The following PRKCB variants were observed in gnomAD, a reference collection of about 807,000 sequenced individuals.
PRKCB encodes protein kinase C beta type.
A neutral mutation model predicts 81.5 loss-of-function variants in PRKCB; 13 were observed. The ratio of observed to expected loss-of-function variants is 0.16; its 90% CI spans 0.10 to 0.25. The LOEUF is 0.25. PRKCB is among the 10% of genes least tolerant of loss of function. PRKCB has a pLI of 1.00. For synonymous variants in PRKCB, 335 were observed against 321.4 expected (o/e 1.04, Z -0.45); for missense variants, 509 against 875.7 (o/e 0.58, Z 5.29).
intron 5 of PRKCB, among the ~76,000 whole-genome samples, chr16:24,042,546 C>T (rs753804660): frequency 1.3e-5 from 2 of 152,210 alleles, no homozygotes; most frequent in Non-Finnish European, 2.9e-5. Context: ...TGCTTAATCA[C>T]ATTTCCAACT....
At chr16:23,871,186 GGA>G (rs1962896959) in intron 2 of PRKCB, among the ~76,000 whole-genome samples, 1 of 152,206 alleles carries the variant, frequency 6.6e-6, no homozygotes, top group Admixed American at 6.5e-5. Context: ...TATCTCTTAT[GGA>G]GAGAGTCACA....
intron 9 of PRKCB, among the ~76,000 whole-genome samples, chr16:24,139,821 G>T (rs572445552): frequency 1.3e-5 from 2 of 152,290 alleles, no homozygotes; most frequent in African/African-American, 4.8e-5. Context: ...TGTATCATCC[G>T]AGTTGATCTA....
At chr16:23,840,049 G>A (rs899892224) in intron 2 of PRKCB, among the ~76,000 whole-genome samples, 1 of 152,154 alleles carries the variant, frequency 6.6e-6, no homozygotes, top group African/African-American at 2.4e-5. Context: ...AGGGAGGAGT[G>A]AGGGGAGGGG....
intron 9 of PRKCB, among the ~76,000 whole-genome samples, chr16:24,137,972 C>G (rs534709601): frequency 2.7e-4 from 41 of 152,198 alleles, no homozygotes; most frequent in Non-Finnish European, 4.7e-4. Flanking sequence ...GCACTGGGAA[C>G]TCATCTGAGT....
chr16:23,937,108 G>A (rs1267196790), intron 2 of PRKCB, among the ~76,000 whole-genome samples: 1 of 152,164 alleles, frequency 6.6e-6, no homozygotes, highest in Non-Finnish European at 1.5e-5. Flanking sequence ...TTTTAGAGGA[G>A]ATGCTTCTGG....
chr16:24,130,692 G>A (rs898740922), intron 9 of PRKCB, among the ~76,000 whole-genome samples: 7 of 152,136 alleles, frequency 4.6e-5, no homozygotes, highest in Admixed American at 3.3e-4. Context: ...GGTGTCTTTC[G>A]TCCTGTATGG....
intron 2 of PRKCB, among the ~76,000 whole-genome samples, chr16:23,945,963 A>G (rs1964200073): frequency 6.6e-6 from 1 of 152,222 alleles, no homozygotes; most frequent in South Asian, 2.1e-4. Flanking sequence ...ACTAATAGCA[A>G]TAGAAAAACT....
intron 5 of PRKCB, among the ~76,000 whole-genome samples, chr16:24,090,894 T>C (rs894157746): frequency 3.3e-5 from 5 of 152,312 alleles, no homozygotes; most frequent in African/African-American, 1.2e-4. Context: ...CTTTCCAATA[T>C]TCTTTCTTCT....
chr16:24,210,683 A>G (rs1455457933), intron 16 of PRKCB, among the ~76,000 whole-genome samples: 1 of 151,938 alleles, frequency 6.6e-6, no homozygotes, highest in African/African-American at 2.4e-5. Context: ...TATTTTTGGT[A>G]GAGACGGGGT....
intron 2 of PRKCB, among the ~76,000 whole-genome samples, chr16:23,878,059 C>T (rs1468801721): frequency 3.3e-5 from 5 of 152,160 alleles, no homozygotes; most frequent in African/African-American, 1.2e-4. Context: ...GTCTTGAACT[C>T]CTGACCTCAG....
At chr16:23,950,133 T>TTG (rs1964258347) in intron 2 of PRKCB, among the ~76,000 whole-genome samples, 4 of 13,048 alleles carry the variant, frequency 3.1e-4, no homozygotes, top group African/African-American at 6.2e-4. Flanking sequence ...ATGATTTGAA[T>TTG]TTTTTTTTTT....
chr16:24,096,664 AAAATATATATATATATATATATAT>A (rs1263598289), intron 7 of PRKCB, among the ~76,000 whole-genome samples: 1 of 85,438 alleles, frequency 1.2e-5, no homozygotes, highest in South Asian at 5.3e-4. Flanking sequence ...AAAAAAAAAA[AAAATATATATATATATATATATAT>A]ATATATATAT....
intron 8 of PRKCB, among the ~76,000 whole-genome samples, chr16:24,122,488 C>T (rs1185279858): frequency 1.6e-5 from 2 of 126,934 alleles, no homozygotes; most frequent in African/African-American, 3.3e-5. Flanking sequence ...GAGATGGGAT[C>T]TCACTCTGTC....
At chr16:23,965,659 G>A (rs1398541701) in intron 2 of PRKCB, among the ~76,000 whole-genome samples, 27 of 152,194 alleles carry the variant, frequency 1.8e-4, no homozygotes, top group African/African-American at 1.4e-4. Context: ...ATGCAACATC[G>A]CTGTGAAAGT....
At chr16:23,904,643 A>G (rs976937204) in intron 2 of PRKCB, among the ~76,000 whole-genome samples, 1 of 152,208 alleles carries the variant, frequency 6.6e-6, no homozygotes, top group Non-Finnish European at 1.5e-5. Context: ...AGCCTGGGTG[A>G]CAGAGCGAGT....
chr16:24,080,048 T>G (rs1247273990), intron 5 of PRKCB, among the ~76,000 whole-genome samples: 2 of 152,244 alleles, frequency 1.3e-5, no homozygotes. Context: ...TCTAAAATTA[T>G]GAAAGATTTT....
chr16:24,165,969 C>T (rs1235701847), intron 10 of PRKCB, among the ~76,000 whole-genome samples: 3 of 149,946 alleles, frequency 2.0e-5, no homozygotes, highest in Non-Finnish European at 3.0e-5. Flanking sequence ...TCACTGCAAC[C>T]TCCACATCCT....
chr16:23,875,562 C>CACATGTATGTATATCACACACAT (rs1962986767), intron 2 of PRKCB, among the ~76,000 whole-genome samples: 1 of 91,944 alleles, frequency 1.1e-5, no homozygotes, highest in African/African-American at 3.8e-5. Flanking sequence ...ATATCACACA[C>CACATGTATGTATATCACACACAT]ATGTGTATAT....
chr16:24,150,659 T>C (rs1967065989), intron 9 of PRKCB, among the ~76,000 whole-genome samples: 1 of 152,254 alleles, frequency 6.6e-6, no homozygotes, highest in Non-Finnish European at 1.5e-5. Flanking sequence ...CTTGAAACAC[T>C]TGTTGCAAAA....
Sources: allele counts gnomAD v4.1 joint callset (sites outside exome capture counted in the v4.1 genomes callset), GRCh38; gene constraint gnomAD v4.1.1; transcripts MANE v1.5; gene names NCBI Gene and HGNC (gene_info 2026-07-23, HGNC 2026-07-21).